The following ZBTB20 variants were observed in gnomAD, a reference collection of about 807,000 sequenced individuals.
ZBTB20 encodes the protein zinc finger and BTB domain-containing protein 20.
ZBTB20 carries 9 observed loss-of-function variants against 56.9 expected under a neutral mutation model. The ratio of observed to expected loss-of-function variants is 0.16; its 90% confidence interval spans 0.10 to 0.28. The LOEUF is 0.28. ZBTB20 is among the 10% of genes least tolerant of loss of function. The pLI, the probability that ZBTB20 is intolerant of heterozygous loss-of-function variation, is 1.00. For synonymous variants in ZBTB20, 417 were observed against 420.7 expected, an observed-to-expected ratio of 0.99 and a Z score of 0.11; for missense variants, 655 against 1,003.0, an observed-to-expected ratio of 0.65 and a Z score of 4.69.
chr3:114,736,318 A>G (rs921137944), intron 5 of ZBTB20, among the ~76,000 whole-genome samples: 6 of 152,202 alleles, frequency 3.9e-5, no homozygotes, highest in Admixed American at 6.5e-5. Flanking sequence ...TATTAACTGT[A>G]ATTAAAAAAT....
intron 2 of ZBTB20, among the ~76,000 whole-genome samples, chr3:115,062,046 C>A (rs1000341088): frequency 6.6e-6 from 1 of 150,898 alleles, no homozygotes; most frequent in African/African-American, 2.5e-5. Context: ...TTAGACTAAC[C>A]ATAACACAGA....
intron 1 of ZBTB20, among the ~76,000 whole-genome samples, chr3:115,082,269 C>A (rs1041325667): frequency 6.6e-6 from 1 of 152,192 alleles, no homozygotes; most frequent in African/African-American, 2.4e-5. Context: ...AAAACACACA[C>A]ACAGTTACCT....
chr3:114,419,992 G>T (rs1292153474), intron 7 of ZBTB20, among the ~76,000 whole-genome samples: 2 of 152,110 alleles, frequency 1.3e-5, no homozygotes, highest in Non-Finnish European at 2.9e-5. Flanking sequence ...ACATAATTTG[G>T]TAAAAAAGTA....
intron 1 of ZBTB20, among the ~76,000 whole-genome samples, chr3:115,131,434 G>A (rs960887565): frequency 1.3e-5 from 2 of 152,124 alleles, no homozygotes; most frequent in Admixed American, 6.6e-5. Flanking sequence ...GAAGATCTGA[G>A]ATAGCTTTAT....
intron 3 of ZBTB20, among the ~76,000 whole-genome samples, chr3:114,933,204 A>G (rs2076419118): frequency 6.6e-6 from 1 of 152,244 alleles, no homozygotes; most frequent in African/African-American, 2.4e-5. Context: ...TTTGTAAAAA[A>G]TAACAAATCT....
rs2079612603 is a variant in ZBTB20 at position 114,339,641 on chromosome 3, G to A, written c.1805-215C>T. 6.6e-6 allele frequency among the ~76,000 whole-genome samples: 1 copy of A among 152,198 alleles called. No individual in the cohort carries two copies. On this transcript the variant is annotated intron_variant, in intron 11 of 11. Coordinates refer to ENST00000675478, the MANE Select transcript of ZBTB20 (RefSeq NM_001348800.3). This position sits in a 1 kb window ranked among gnomAD's most constrained non-coding sequence, Gnocchi z 4.2. ...TTTGCTTTATGGTGATGCCAGGACA[G>A]TTTTGTTTTCCATTTCCCTGTGCCA...
chr3:115,097,272 G>T (rs772817439), intron 1 of ZBTB20, among the ~76,000 whole-genome samples: 1 of 152,002 alleles, frequency 6.6e-6, no homozygotes, highest in African/African-American at 2.4e-5. Context: ...TCCACCTCCC[G>T]GGTTCAAGGG....
intron 2 of ZBTB20, among the ~76,000 whole-genome samples, chr3:114,978,791 T>A (rs898763008): frequency 1.3e-5 from 2 of 151,952 alleles, no homozygotes; most frequent in Non-Finnish European, 2.9e-5. Context: ...CTTCTTAGAA[T>A]TTGTTTCCAA....
chr3:114,345,969 C>T (rs141411082), intron 11 of ZBTB20, among the ~76,000 whole-genome samples: 1 of 152,168 alleles, frequency 6.6e-6, no homozygotes, highest in African/African-American at 2.4e-5. Context: ...TTTTTTCTCT[C>T]TAATTCTGTT....
chr3:114,459,677 A>G (rs1376906182), intron 7 of ZBTB20, among the ~76,000 whole-genome samples: 1 of 152,138 alleles, frequency 6.6e-6, no homozygotes, highest in African/African-American at 2.4e-5. Flanking sequence ...AGTTTTCAAC[A>G]TGTAAAAGGG....
At chr3:114,614,719 TC>T (rs1157669865) in intron 6 of ZBTB20, among the ~76,000 whole-genome samples, 6 of 150,722 alleles carry the variant, frequency 4.0e-5, no homozygotes, top group Admixed American at 3.4e-4. Context: ...TAGTGTCCAA[TC>T]TCATAGTGGC....
chr3:114,469,527 T>C (rs1163264744), intron 7 of ZBTB20, among the ~76,000 whole-genome samples: 1 of 152,216 alleles, frequency 6.6e-6, no homozygotes, highest in Non-Finnish European at 1.5e-5. Flanking sequence ...CTTCCTTTCA[T>C]AAAGAGGAGG....
At chr3:114,564,851 C>CA (rs928573069) in intron 6 of ZBTB20, among the ~76,000 whole-genome samples, 2 of 152,196 alleles carry the variant, frequency 1.3e-5, no homozygotes, top group Admixed American at 1.3e-4. Flanking sequence ...CAAATAACAC[C>CA]AGCGTTGCAG....
chr3:114,738,871 C>G lies in ZBTB20; in HGVS notation c.-342-45296G>C, dbSNP rs372312841. ...AAAATCAAATGTTCTGTCTGTAGGA[C>G]TTTATAGAACATTAAATAATCTTTT... On this transcript the variant is annotated intron_variant, in intron 5 of 11. Coordinates refer to ENST00000675478, the MANE Select transcript of ZBTB20 (RefSeq NM_001348800.3). 2.6e-5 allele frequency among the ~76,000 whole-genome samples: 4 copies of G among 152,140 alleles called. No homozygotes were observed. The East Asian group carries it at 5.8e-4, about 22-fold the overall frequency.
intron 4 of ZBTB20, among the ~76,000 whole-genome samples, chr3:114,858,512 T>C (rs2075347736): frequency 6.6e-6 from 1 of 151,492 alleles, no homozygotes; most frequent in Admixed American, 6.6e-5. Flanking sequence ...CAGTTTCTAC[T>C]TGTGCGTGTA....
intron 2 of ZBTB20, among the ~76,000 whole-genome samples, chr3:115,049,768 T>C (rs796659369): frequency 2.6e-5 from 4 of 152,244 alleles, no homozygotes; most frequent in African/African-American, 9.6e-5. Context: ...ATTACTTTCT[T>C]ATAAACAACA....
intron 6 of ZBTB20, among the ~76,000 whole-genome samples, chr3:114,614,559 A>G (rs2057785330): frequency 6.6e-6 from 1 of 152,200 alleles, no homozygotes; most frequent in Non-Finnish European, 1.5e-5. Flanking sequence ...GAGATTTTTC[A>G]AACCCTGATA....
intron 2 of ZBTB20, among the ~76,000 whole-genome samples, chr3:115,003,534 A>T (rs1206050108): frequency 6.6e-6 from 1 of 151,690 alleles, no homozygotes; most frequent in African/African-American, 2.4e-5. Flanking sequence ...AACATAAAAC[A>T]ACTAAGTTTA....
chr3:114,970,356 T>C (rs2077822370), intron 3 of ZBTB20, among the ~76,000 whole-genome samples: 2 of 152,212 alleles, frequency 1.3e-5, no homozygotes, highest in Admixed American at 1.3e-4. Context: ...AAAAACATCT[T>C]ATTATCACTA....
Sources: allele counts gnomAD v4.1 joint callset (sites outside exome capture counted in the v4.1 genomes callset), GRCh38; gene constraint gnomAD v4.1.1; non-coding constraint Gnocchi (gnomAD v3.1); transcripts MANE v1.5; gene names NCBI Gene and HGNC (gene_info 2026-07-23, HGNC 2026-07-21).